EPHA4: variants seen among roughly 807,000 people sequenced by gnomAD.
EPHA4 encodes ephrin type-A receptor 4.
Under a neutral mutation model 108.3 loss-of-function variants are expected in EPHA4, and 19 were observed. That is an observed-to-expected ratio of 0.18 (90% confidence interval 0.12 to 0.26). EPHA4 has a LOEUF of 0.26. Ranked by LOEUF, EPHA4 falls within the 10% of genes least tolerant of loss-of-function variation. EPHA4 has a pLI of 1.00. For synonymous variants in EPHA4, 449 were observed against 455.5 expected (o/e 0.99, Z 0.18); for missense variants, 917 against 1,254.0 (o/e 0.73, Z 4.06).
At chr2:221,434,526 C>T (rs550035290) in intron 13 of EPHA4, among the ~76,000 whole-genome samples, 4 of 152,274 alleles carry the variant, frequency 2.6e-5, no homozygotes, top group African/African-American at 7.2e-5. Flanking sequence ...TAAAGCCTAC[C>T]TATTATCTGA....
intron 3 of EPHA4, among the ~76,000 whole-genome samples, chr2:221,527,317 A>T (rs1182304563): frequency 6.6e-6 from 1 of 152,318 alleles, no homozygotes; most frequent in East Asian, 1.9e-4. Context: ...CCACGTGCAC[A>T]TATTCACCTG....
Position 221,566,755 on chromosome 2 carries a change from G to A in EPHA4, c.159+1963C>T, listed in dbSNP as rs151333777. Among the ~76,000 whole-genome samples the A allele has an allele frequency of 1.3e-3, 200 of 150,224 alleles. 1 individual carries two copies. The highest frequency in any genetic ancestry group is 4.7e-3 in the African/African-American group (192 of 40,592). ...TTGTGTCTAGAAAAAGTGACCAGGT[G>A]CTCTTTCAGCAGCTCTGGAGAAGAA... is the stretch of plus-strand genomic sequence containing the variant. On this transcript the variant is annotated intron_variant, in intron 2 of 17. Coordinates refer to ENST00000281821, the MANE Select transcript of EPHA4 (RefSeq NM_004438.5).
At chr2:221,568,821 A>G (rs1424996412) in intron 1 of EPHA4, 36 bp from the exon 2 acceptor site, 5 of 1,584,870 alleles carry the variant, frequency 3.2e-6, no homozygotes, top group Non-Finnish European at 1.7e-6. Context: ...TGAATTTCCA[A>G]TTGCAAAAAG....
chr2:221,527,743 T>G (rs1354342955), intron 3 of EPHA4, among the ~76,000 whole-genome samples: 1 of 152,186 alleles, frequency 6.6e-6, no homozygotes, highest in Non-Finnish European at 1.5e-5. Flanking sequence ...TATCTCACAA[T>G]AGCCCGATGA....
intron 3 of EPHA4, among the ~76,000 whole-genome samples, chr2:221,515,652 GAGA>G (rs1692967430): frequency 6.6e-6 from 1 of 151,850 alleles, no homozygotes; most frequent in African/African-American, 2.4e-5. Flanking sequence ...CTGTCTCTAC[GAGA>G]AGTTTTTAAA....
intron 3 of EPHA4, among the ~76,000 whole-genome samples, chr2:221,548,899 T>TTGGCCTGTCAAAATGACTG (rs1694081773): frequency 6.6e-6 from 1 of 152,176 alleles, no homozygotes; most frequent in African/African-American, 2.4e-5. Flanking sequence ...AGGGCAGGTT[T>TTGGCCTGTCAAAATGACTG]TGGCCTGTCA....
In EPHA4 at chr2:221,426,054, T is replaced by G; in HGVS notation, c.2935A>C (p.Met979Leu). The G allele has an allele frequency of 6.2e-7, 1 of 1,614,180 alleles. No homozygotes were observed. The highest frequency in any genetic ancestry group is 1.1e-5 in the South Asian group (1 of 91,080). The change falls in exon 17 of 18, where the codon ATG (methionine) becomes CTG (leucine). Residue 979 changes from methionine (M) to leucine (L), a missense_variant. Met to Leu is a conservative substitution (Grantham distance 15, BLOSUM62 2). Transcript: ENST00000281821. ...VQAMRTQMQQ[M>L]HGRMVPV is the part of the protein sequence containing the mutation. ...CAGACGGGAACCATTCTGCCGTGCA[T>G]CTGCTGCATTTGGGTTCGCATTGCC...
intron 11 of EPHA4, among the ~76,000 whole-genome samples, chr2:221,440,692 G>A (rs777606173): frequency 1.3e-5 from 2 of 151,338 alleles, no homozygotes; most frequent in Non-Finnish European, 2.9e-5. Context: ...GAACACGTAC[G>A]AGGTTTTTTC....
chr2:221,422,740 T>C (rs973426137), intron 17 of EPHA4, among the ~76,000 whole-genome samples: 4 of 152,226 alleles, frequency 2.6e-5, no homozygotes, highest in South Asian at 2.1e-4. Flanking sequence ...GGAGAATTCA[T>C]TGTGACTAAA....
At chr2:221,495,455 G>A (rs902728370) in intron 4 of EPHA4, among the ~76,000 whole-genome samples, 22 of 152,124 alleles carry the variant, frequency 1.4e-4, no homozygotes, top group African/African-American at 4.6e-4. Context: ...GCCTAACCTC[G>A]CTCCTCCTAA....
chr2:221,505,966 C>T (rs1266667866), intron 3 of EPHA4, among the ~76,000 whole-genome samples: 2 of 152,092 alleles, frequency 1.3e-5, no homozygotes, highest in African/African-American at 4.8e-5. Context: ...TAAAAATTAC[C>T]TTCCCAGGTA....
At chr2:221,427,264 G>A (rs1338141365) in intron 15 of EPHA4, among the ~76,000 whole-genome samples, 1 of 152,158 alleles carries the variant, frequency 6.6e-6, no homozygotes, top group African/African-American at 2.4e-5. Context: ...TTGGATTGTG[G>A]AATGTGCTTC....
At position 221,501,153 on chromosome 2, in the gene EPHA4, G is replaced by A. The variant is rs1405123394; in HGVS notation, c.843C>T (p.Tyr281=). The A allele has an allele frequency of 1.9e-6, 3 of 1,604,516 alleles. No individual in the cohort carries two copies. The African/African-American group carries it at 4.0e-5, about 22-fold the overall frequency. The change falls in exon 4 of 18, where the codon TAC becomes TAT. Residue 281 remains tyrosine, a synonymous_variant. Transcript: ENST00000281821. ...AGGTGGCATCCGTGGAGAGAGCCTT[G>A]TAATATCCAATTTTGCAAGCTGCAG... is the stretch of plus-strand genomic sequence containing the variant. ...GECQACKIGY[Y]KALSTDATCA... is the part of the protein sequence containing the mutation.
Position 221,572,184 on chromosome 2 carries a change from C to A in EPHA4, c.65G>T (p.Gly22Val), listed in dbSNP as rs756185018. ...CLFGICDAVT[G>V]SRVYPANEVT... ...TTCATTCGCGGGGTATACCCTGGAA[C>A]CTGTGACAGCGTCGCAAATCCCGAA... The change falls in exon 1 of 18, where the codon GGT (glycine) becomes GTT (valine). Residue 22 changes from glycine (G) to valine (V), a missense_variant. Transcript: ENST00000281821. 1.4e-5 allele frequency: 23 copies of A among 1,614,028 alleles called. No individual in the cohort carries two copies. The highest frequency in any genetic ancestry group is 1.9e-5 in the Non-Finnish European group (23 of 1,179,974).
intron 2 of EPHA4, among the ~76,000 whole-genome samples, chr2:221,567,227 C>T (rs544531625): frequency 6.6e-6 from 1 of 152,250 alleles, no homozygotes; most frequent in African/African-American, 2.4e-5. Flanking sequence ...TTTATTAATA[C>T]AAGTACTGAC....
intron 3 of EPHA4, among the ~76,000 whole-genome samples, chr2:221,536,050 C>G (rs749288446): frequency 2.8e-4 from 43 of 152,198 alleles, no homozygotes; most frequent in Admixed American, 1.6e-3. Flanking sequence ...TATTTAACTA[C>G]AGTTTACCAA....
chr2:221,456,604 C>T lies in EPHA4; in HGVS notation c.1603+9G>A. 6.2e-7 allele frequency: 1 copy of T among 1,613,180 alleles called. No homozygotes were observed. The highest frequency in any genetic ancestry group is 8.5e-7 in the Non-Finnish European group (1 of 1,179,514). On this transcript the variant is annotated intron_variant, in intron 7 of 17. Coordinates refer to ENST00000281821, the MANE Select transcript of EPHA4 (RefSeq NM_004438.5). ...TCAGAAGTGACTGAGTCTGGGTGGT[C>T]CTTGTTACCTGTGTTGGTTGTAACC...
At chr2:221,440,152 G>C (rs1559240983) in intron 11 of EPHA4, among the ~76,000 whole-genome samples, 1 of 152,196 alleles carries the variant, frequency 6.6e-6, no homozygotes, top group Non-Finnish European at 1.5e-5. Context: ...GGATGCAGTG[G>C]GGAGGAAAGG....
At chr2:221,557,625 T>C (rs556636471) in intron 3 of EPHA4, among the ~76,000 whole-genome samples, 1 of 152,222 alleles carries the variant, frequency 6.6e-6, no homozygotes, top group Non-Finnish European at 1.5e-5. Context: ...GCTAACTGTA[T>C]GTTAACTTCA....
Sources: allele counts gnomAD v4.1 joint callset (sites outside exome capture counted in the v4.1 genomes callset), GRCh38; gene constraint gnomAD v4.1.1; transcripts MANE v1.5; gene names NCBI Gene and HGNC (gene_info 2026-07-23, HGNC 2026-07-21).